Variants in UTP11 observed in about 807,000 individuals in gnomAD.
The protein encoded by UTP11 is probable U3 small nucleolar RNA-associated protein 11.
UTP11 carries 29 observed loss-of-function variants against 39.0 expected under a neutral mutation model. The observed-to-expected ratio is 0.74, with a 90% CI of 0.55 to 1.01. UTP11 has a LOEUF of 1.01. Among genes scored for constraint, UTP11 ranks in the 50% least tolerant of loss-of-function variants. The pLI is 0.00. For missense variants in UTP11, 281 were observed against 306.0 expected (o/e 0.92, Z 0.61); for synonymous variants, 111 against 105.0 (o/e 1.06, Z -0.35).
chr1:38,022,881 G>A, intron 7 of UTP11, 72 bp downstream of exon 7: 1 of 1,061,072 alleles, frequency 9.4e-7, no homozygotes, highest in Non-Finnish European at 1.4e-6. Flanking sequence ...TCTTAACTCA[G>A]ACTAGATTTC....
rs945995733 is a variant in UTP11, at chr1:38,017,733, A to G, written c.191A>G (p.Asp64Gly). The G allele has an allele frequency of 6.2e-7, 1 of 1,612,242 alleles. No individual in the cohort carries two copies. Among genetic ancestry groups the G allele is most frequent in the Non-Finnish European group, 8.5e-7 (1 of 1,179,326 alleles). ...LRKKALEKNPDEFYYKMTRVK... is the reference protein window; with the variant it reads ...LRKKALEKNPGEFYYKMTRVK... ...AAGAAGGCTCTTGAAAAAAATCCAG[A>G]TGAATTCTACTACAAAATGACTCGG... Residue 64 changes from aspartate (D) to glycine (G), a missense_variant, in exon 3 of 8, where the codon GAT (aspartate) becomes GGT (glycine). Coordinates refer to ENST00000373014, the MANE Select transcript of UTP11 (RefSeq NM_016037.4).
intron 3 of UTP11, 68 bp from the exon 4 acceptor site, chr1:38,018,396 C>A: frequency 8.3e-7 from 1 of 1,205,070 alleles, no homozygotes; most frequent in Non-Finnish European, 1.2e-6. Flanking sequence ...TCTAGCCGTG[C>A]ACTGTGCCAA....
chr1:38,022,649 A>G, intron 6 of UTP11, 50 bp from the exon 7 acceptor site: 2 of 1,298,984 alleles, frequency 1.5e-6, no homozygotes, highest in South Asian at 2.5e-5. Flanking sequence ...TTTCTTACTC[A>G]TTTTTGTCCT....
chr1:38,018,393 G>A (rs925415791), intron 3 of UTP11, 71 bp from the exon 4 acceptor site: 9 of 1,175,818 alleles, frequency 7.7e-6, no homozygotes, highest in South Asian at 6.5e-5. Context: ...TGTTCTAGCC[G>A]TGCACTGTGC....
chr1:38,017,418 G>A (rs1177243655), intron 2 of UTP11: 32 of 339,432 alleles, frequency 9.4e-5, no homozygotes, highest in Non-Finnish European at 2.6e-5. Flanking sequence ...AACATATATA[G>A]GCTGGGGACA....
intron 7 of UTP11, among the ~76,000 whole-genome samples, 193 bp downstream of exon 7, chr1:38,023,002 T>C (rs1646747322): frequency 6.6e-6 from 1 of 152,134 alleles, no homozygotes; most frequent in African/African-American, 2.4e-5. Context: ...AAGGAGGTAA[T>C]AAGGGGGTTA....
rs1206821102 is a variant in UTP11, at chr1:38,018,528, G to C, written c.293G>C (p.Arg98Thr). 3.7e-6 allele frequency: 6 copies of C among 1,613,796 alleles called. No individual in the cohort carries two copies. Among genetic ancestry groups the C allele is most frequent in the Non-Finnish European group, 4.2e-6 (5 of 1,179,914 alleles). ...EVTPEQLKLM[R>T]TQDVKYIEMK... ...ACCCCAGAACAACTAAAGCTGATGAGAACTCAGGACGTCAAATATATAGAA... is the reference window on the plus strand; with the variant it reads ...ACCCCAGAACAACTAAAGCTGATGACAACTCAGGACGTCAAATATATAGAA... The change falls in exon 4 of 8, where the codon AGA (arginine) becomes ACA (threonine). Residue 98 changes from arginine to threonine, a missense_variant. Coordinates refer to ENST00000373014, the MANE Select transcript of UTP11 (RefSeq NM_016037.4).
Position 38,017,743 on chromosome 1 carries a change from C to T in UTP11, c.201C>T (p.Tyr67=). The T allele has an allele frequency of 1.9e-6, 3 of 1,608,728 alleles. No homozygotes were observed. Among genetic ancestry groups the T allele is most frequent in the Non-Finnish European group, 2.5e-6 (3 of 1,177,428 alleles). Reference sequence around the variant, plus strand: ...TTGAAAAAAATCCAGATGAATTCTACTACAAAATGACTCGGGTTAAACTCC... The same window carrying T: ...TTGAAAAAAATCCAGATGAATTCTATTACAAAATGACTCGGGTTAAACTCC... ...KALEKNPDEF[Y]YKMTRVKLQD... Residue 67 remains tyrosine, a synonymous_variant, in exon 3 of 8, where the codon TAC becomes TAT. Coordinates refer to ENST00000373014, the MANE Select transcript of UTP11 (RefSeq NM_016037.4).
chr1:38,016,167 G>A (rs1368724445), intron 1 of UTP11, among the ~76,000 whole-genome samples, 192 bp from the exon 2 acceptor site: 1 of 152,286 alleles, frequency 6.6e-6, no homozygotes. Flanking sequence ...CCTGTCTGGT[G>A]CTGGCAGGGT....
intron 3 of UTP11, among the ~76,000 whole-genome samples, chr1:38,017,972 C>T (rs986522401): frequency 3.3e-5 from 5 of 152,112 alleles, no homozygotes; most frequent in African/African-American, 1.2e-4. Flanking sequence ...TGTCTTATAC[C>T]TGGAGCTGTT....
intron 1 of UTP11, among the ~76,000 whole-genome samples, chr1:38,013,611 A>T (rs958063814): frequency 3.3e-5 from 5 of 152,224 alleles, no homozygotes; most frequent in African/African-American, 1.2e-4. Flanking sequence ...GCTCCAACTT[A>T]GTTTTACAGA....
At chr1:38,023,393 A>G (rs1646748895) in intron 7 of UTP11, 152 bp from the exon 8 acceptor site, 2 of 566,486 alleles carry the variant, frequency 3.5e-6, no homozygotes, top group South Asian at 3.0e-5. Context: ...AAGTTAATTC[A>G]TTGCCTACAG....
At chr1:38,013,014 C>A (rs1646687039) in intron 1 of UTP11, 149 bp downstream of exon 1, 4 of 1,007,918 alleles carry the variant, frequency 4.0e-6, no homozygotes, top group Non-Finnish European at 4.3e-6. Context: ...GTGGCTGGGG[C>A]GGAGCTTCGT....
In UTP11 at chr1:38,012,882, C is replaced by G. The variant is rs1646685975; in HGVS notation, c.63+17C>G. The G allele has an allele frequency of 6.2e-7, 1 of 1,614,062 alleles. No homozygotes were observed. Among genetic ancestry groups the G allele is most frequent in the African/African-American group, 1.3e-5 (1 of 74,956 alleles). On this transcript the variant is annotated intron_variant, in intron 1 of 7. Coordinates refer to ENST00000373014, the MANE Select transcript of UTP11 (RefSeq NM_016037.4). ...CGAAGCCAGGTAGGACCATACAGGC[C>G]CCACAAGTGCTGGCCTTTGTCGCCA...
At position 38,012,792 on chromosome 1, in the gene UTP11, G is replaced by C. The variant is rs369769761; in HGVS notation, c.-11G>C. ...GCGTTCTCCACTGATCTTTTCCAAGGCTGTACAGACATGGCGGCGGCTTTT... is the reference window on the plus strand; with the variant it reads ...GCGTTCTCCACTGATCTTTTCCAAGCCTGTACAGACATGGCGGCGGCTTTT... On this transcript the variant is annotated 5_prime_UTR_variant, in exon 1 of 8. Coordinates refer to ENST00000373014, the MANE Select transcript of UTP11 (RefSeq NM_016037.4). 1.1e-4 allele frequency: 180 copies of C among 1,614,118 alleles called. No individual in the cohort carries two copies. The highest frequency in any genetic ancestry group is 1.5e-4 in the Non-Finnish European group (177 of 1,180,042).
chr1:38,019,761 A>T (rs1646726615), intron 6 of UTP11, among the ~76,000 whole-genome samples: 1 of 152,134 alleles, frequency 6.6e-6, no homozygotes, highest in African/African-American at 2.4e-5. Flanking sequence ...CGGGATTACA[A>T]GCGTGAGCCA....
Position 38,012,759 on chromosome 1 carries a change from C to G in UTP11, c.-44C>G, listed in dbSNP as rs761588012. 1 of 1,612,888 alleles carries G rather than the reference C, an allele frequency of 6.2e-7. No individual in the cohort carries two copies. Among genetic ancestry groups the G allele is most frequent in the Non-Finnish European group, 8.5e-7 (1 of 1,178,906 alleles). ...AGTGGACTTGGCGGCAGAGGCAGTGCGGATCCGGCGTTCTCCACTGATCTT... is the reference window on the plus strand; with the variant it reads ...AGTGGACTTGGCGGCAGAGGCAGTGGGGATCCGGCGTTCTCCACTGATCTT... On this transcript the variant is annotated 5_prime_UTR_variant, in exon 1 of 8. Transcript: ENST00000373014.
At chr1:38,020,887 GTTCTTGTGATAACCCTGTTGTTTGTCAA>G (rs1252270813) in intron 6 of UTP11, among the ~76,000 whole-genome samples, 1 of 151,394 alleles carries the variant, frequency 6.6e-6, no homozygotes, top group Non-Finnish European at 1.5e-5. Flanking sequence ...GCTCATGAGT[GTTCTTGTGATAACCCTGTTGTTTGTCAA>G]TTAGGTGTAC....
intron 1 of UTP11, among the ~76,000 whole-genome samples, chr1:38,014,164 T>C (rs1646693921): frequency 6.6e-6 from 1 of 152,178 alleles, no homozygotes; most frequent in African/African-American, 2.4e-5. Context: ...CTTAAAGAGA[T>C]TGAATAGTAT....
Sources: allele counts gnomAD v4.1 joint callset (sites outside exome capture counted in the v4.1 genomes callset), GRCh38; gene constraint gnomAD v4.1.1; transcripts MANE v1.5; gene names NCBI Gene and HGNC (gene_info 2026-07-23, HGNC 2026-07-21).